SMOC2: variants seen among roughly 807,000 people sequenced by gnomAD.
SMOC2 encodes SPARC related modular calcium binding 2.
Under a neutral mutation model 61.4 loss-of-function variants are expected in SMOC2, and 39 were observed. The observed-to-expected ratio is 0.64, with a 90% confidence interval of 0.49 to 0.83. The LOEUF (loss-of-function observed/expected upper bound fraction) is 0.83, where lower values mean the gene tolerates loss of function less well. Ranked by LOEUF, SMOC2 falls within the 40% of genes least tolerant of loss-of-function variation. The probability of loss-of-function intolerance (pLI) is 0.00; values close to 1 mark genes in which losing one functional copy is unlikely to be tolerated. For missense variants in SMOC2, 556 were observed against 592.9 expected (o/e 0.94, Z 0.65); for synonymous variants, 247 against 239.9 (o/e 1.03, Z -0.27).
At chr6:168,450,582 A>G (rs1781437645) in intron 1 of SMOC2, among the ~76,000 whole-genome samples, 1 of 152,108 alleles carries the variant, frequency 6.6e-6, no homozygotes, top group Non-Finnish European at 1.5e-5. Context: ...GTGTTTGTGT[A>G]GACTAAATGA....
intron 1 of SMOC2, among the ~76,000 whole-genome samples, chr6:168,445,432 A>G (rs1216193095): frequency 6.6e-6 from 1 of 152,230 alleles, no homozygotes; most frequent in African/African-American, 2.4e-5. Context: ...TAAGAAAACA[A>G]TATTTAGCCA....
intron 4 of SMOC2, among the ~76,000 whole-genome samples, chr6:168,536,934 G>GTA (rs1450442493): frequency 6.6e-6 from 1 of 152,128 alleles, no homozygotes; most frequent in East Asian, 1.9e-4. Context: ...GAAGCCTAGG[G>GTA]TATACACCCT....
chr6:168,501,887 C>A (rs1782739163), intron 1 of SMOC2, among the ~76,000 whole-genome samples: 1 of 152,220 alleles, frequency 6.6e-6, no homozygotes, highest in Non-Finnish European at 1.5e-5. Flanking sequence ...CTGGCCACAT[C>A]CTCCTGCACA....
chr6:168,479,016 G>A (rs942701851), intron 1 of SMOC2, among the ~76,000 whole-genome samples: 20 of 151,782 alleles, frequency 1.3e-4, no homozygotes, highest in Non-Finnish European at 2.4e-4. Flanking sequence ...CCTGTCTCGG[G>A]AAAAGGAGTC....
At chr6:168,665,136 C>T (rs1787628454) in intron 12 of SMOC2, 1 of 228,570 alleles carries the variant, frequency 4.4e-6, no homozygotes, top group Non-Finnish European at 8.6e-6. Flanking sequence ...TCCCTGAGTG[C>T]CAAGACCTCC....
intron 2 of SMOC2, among the ~76,000 whole-genome samples, chr6:168,519,079 G>A (rs894075598): frequency 6.6e-6 from 1 of 150,932 alleles, no homozygotes; most frequent in Admixed American, 6.6e-5. Flanking sequence ...GTGTATGTAT[G>A]CGTGCATGTG....
At chr6:168,508,109 T>TA (rs1251655032) in intron 1 of SMOC2, among the ~76,000 whole-genome samples, 1 of 152,226 alleles carries the variant, frequency 6.6e-6, no homozygotes, top group Admixed American at 6.5e-5. Flanking sequence ...GTCCGGCCCC[T>TA]ACAGCATCTT....
At chr6:168,496,294 T>C (rs1457167301) in intron 1 of SMOC2, among the ~76,000 whole-genome samples, 1 of 152,132 alleles carries the variant, frequency 6.6e-6, no homozygotes, top group East Asian at 1.9e-4. Context: ...AATCCCTGTT[T>C]CTAGATAACA....
At chr6:168,664,657 A>G in intron 12 of SMOC2, 1 of 464,756 alleles carries the variant, frequency 2.2e-6, no homozygotes, top group Admixed American at 2.4e-5. Flanking sequence ...TTGGGCTCCA[A>G]AAGGGGCTTT....
chr6:168,557,185 A>G (rs1784270945), intron 7 of SMOC2, among the ~76,000 whole-genome samples: 1 of 152,178 alleles, frequency 6.6e-6, no homozygotes, highest in African/African-American at 2.4e-5. Context: ...TGTTTTTCAA[A>G]TATGACATTA....
intron 7 of SMOC2, among the ~76,000 whole-genome samples, chr6:168,580,109 C>T (rs1784889734): frequency 6.6e-6 from 1 of 152,150 alleles, no homozygotes; most frequent in South Asian, 2.1e-4. Context: ...TTTCCCTCCT[C>T]CACCAGGGCC....
intron 8 of SMOC2, among the ~76,000 whole-genome samples, chr6:168,603,634 A>G (rs12529649): frequency 0.39 from 58,584 of 151,924 alleles, 11,704 homozygotes; most frequent in Middle Eastern, 0.47. Context: ...GATAATGGGA[A>G]GATGCAGATA....
intron 2 of SMOC2, among the ~76,000 whole-genome samples, chr6:168,524,772 G>A (rs1164165700): frequency 3.3e-5 from 5 of 152,278 alleles, no homozygotes; most frequent in Non-Finnish European, 7.3e-5. Context: ...AAAGCTGAAG[G>A]CATGAAGCTG....
chr6:168,639,773 C>T (rs1786844623), intron 9 of SMOC2, among the ~76,000 whole-genome samples: 1 of 152,198 alleles, frequency 6.6e-6, no homozygotes, highest in African/African-American at 2.4e-5. Flanking sequence ...TTCTCAGACT[C>T]GCTGCTACTT....
At chr6:168,584,725 A>G (rs1785007715) in intron 7 of SMOC2, among the ~76,000 whole-genome samples, 1 of 152,188 alleles carries the variant, frequency 6.6e-6, no homozygotes, top group Admixed American at 6.5e-5. Context: ...TACTAGGAGC[A>G]CTTTTTCAGG....
intron 5 of SMOC2, among the ~76,000 whole-genome samples, chr6:168,546,324 G>A (rs376101576): frequency 1.3e-5 from 2 of 151,060 alleles, no homozygotes; most frequent in East Asian, 1.9e-4. Flanking sequence ...CCTCCTGGGT[G>A]GGGCCCTGAG....
At chr6:168,651,570 G>A (rs574928423) in intron 10 of SMOC2, among the ~76,000 whole-genome samples, 2 of 152,050 alleles carry the variant, frequency 1.3e-5, no homozygotes, top group Admixed American at 1.3e-4. Context: ...TAGAATGTTG[G>A]CCTTTCTCCC....
chr6:168,664,454 C>A (rs1192260784), intron 12 of SMOC2: 5 of 405,728 alleles, frequency 1.2e-5, no homozygotes, highest in African/African-American at 2.5e-5. Flanking sequence ...AGGCTAGTTT[C>A]GAACTCACAG....
intron 7 of SMOC2, among the ~76,000 whole-genome samples, chr6:168,554,790 C>T (rs1193554774): frequency 1.3e-5 from 2 of 152,180 alleles, no homozygotes; most frequent in Non-Finnish European, 2.9e-5. Context: ...CAGGGCTTTG[C>T]CACGTGGGGA....
Sources: allele counts gnomAD v4.1 joint callset (sites outside exome capture counted in the v4.1 genomes callset), GRCh38; gene constraint gnomAD v4.1.1; transcripts MANE v1.5; gene names NCBI Gene and HGNC (gene_info 2026-07-23, HGNC 2026-07-21).